Variants in CELF2 observed in about 807,000 individuals in gnomAD.
CELF2 encodes CUG triplet repeat RNA-binding protein 2.
A neutral mutation model predicts 62.6 loss-of-function variants in CELF2; 8 were observed. The observed-to-expected ratio is 0.13, with a 90% CI of 0.07 to 0.23. CELF2 has a LOEUF of 0.23. CELF2 is among the 10% of genes least tolerant of loss of function. The pLI is 1.00. For synonymous variants in CELF2, 258 were observed against 250.0 expected (o/e 1.03, Z -0.30); for missense variants, 333 against 671.0 (o/e 0.50, Z 5.56).
At chr10:10,523,782 G>A in the CELF2 span, among the ~76,000 whole-genome samples, 1,513 of 152,298 alleles carry the variant, frequency 9.9e-3, 21 homozygotes, top group African/African-American at 0.035. Flanking sequence ...AATGTCAGTG[G>A]TTGGGTTGTG....
chr10:11,056,163 C>G (rs1564546475), intron 1 of CELF2, among the ~76,000 whole-genome samples: 2 of 152,154 alleles, frequency 1.3e-5, no homozygotes. Flanking sequence ...ATATGGGACC[C>G]TATATTCCAC....
At position 11,197,021 on chromosome 10, in the gene CELF2, A is replaced by AAGGAAGGAAGGAAGGAAGG. The variant is rs1565230337; in HGVS notation, c.272-20403_272-20402insGGAAGGAAGGAAGGAAGGA. On this transcript the variant is annotated intron_variant, in intron 2 of 12. Coordinates refer to ENST00000633077, the MANE Select transcript of CELF2 (RefSeq NM_001326342.2). ...AGGAAGGAGAAAGAAAGAAAGAAAG[A>AAGGAAGGAAGGAAGGAAGG]AAGAAAAGAAAGAAAGAAAGAAAGA... Among the ~76,000 whole-genome samples the AAGGAAGGAAGGAAGGAAGG allele has an allele frequency of 3.3e-4, 3 of 9,138 alleles. 1 individual carries two copies. The highest frequency in any genetic ancestry group is 8.2e-4 in the Non-Finnish European group (3 of 3,674). The allele number at this position is 9,138 out of a possible 152,430, so 6.0% of individuals were successfully genotyped here. A position where few individuals can be genotyped will look rare whatever the true frequency, so the allele number is the denominator to read the frequency against.
At position 11,330,743 on chromosome 10, in the gene CELF2, C is replaced by CTTAT. The variant is rs1209449803; in HGVS notation, c.*1693_*1696dup. 6.6e-6 allele frequency: 1 copy of CTTAT among 152,468 alleles called. No homozygotes were observed. Among genetic ancestry groups the CTTAT allele is most frequent in the Non-Finnish European group, 1.5e-5 (1 of 67,980 alleles). 9.4% of individuals were successfully genotyped at this position (152,468 alleles called of 1,614,324 possible). On this transcript the variant is annotated 3_prime_UTR_variant, in exon 13 of 13. Coordinates refer to ENST00000633077, the MANE Select transcript of CELF2 (RefSeq NM_001326342.2). The surrounding 1 kb of genome is among the most constrained non-coding windows in gnomAD (Gnocchi z 4.5). ...AAACCTGTGGCAAAAACGTTTCTTT[C>CTTAT]TTATTTTTTTTCTTTTCCTAAAACA...
chr10:10,866,898 T>A (rs548876376), intron 1 of CELF2, among the ~76,000 whole-genome samples: 1 of 134,830 alleles, frequency 7.4e-6, no homozygotes, highest in African/African-American at 2.9e-5. Context: ...CCAGCCTGGG[T>A]GACAAGAGTG....
chr10:10,714,584 A>G, the CELF2 span, among the ~76,000 whole-genome samples: 1 of 152,216 alleles, frequency 6.6e-6, no homozygotes, highest in Non-Finnish European at 1.5e-5. Flanking sequence ...CTGCAGGCTG[A>G]CACAATAAAA....
chr10:11,180,750 C>T (rs546437291), intron 2 of CELF2, among the ~76,000 whole-genome samples: 1 of 152,314 alleles, frequency 6.6e-6, no homozygotes, highest in African/African-American at 2.4e-5. Flanking sequence ...AATGTGTCCT[C>T]ACAATAATCC....
intron 5 of CELF2, among the ~76,000 whole-genome samples, chr10:11,263,916 G>A (rs2081435417): frequency 6.6e-6 from 1 of 152,202 alleles, no homozygotes; most frequent in African/African-American, 2.4e-5. Context: ...CATCCCGAGT[G>A]ACACAGAGAG....
At chr10:10,812,744 A>C (rs2056051552) in intron 1 of CELF2, among the ~76,000 whole-genome samples, 1 of 152,170 alleles carries the variant, frequency 6.6e-6, no homozygotes, top group Non-Finnish European at 1.5e-5. Context: ...TCTAAACCTC[A>C]GATCTGCAAA....
chr10:11,057,383 T>C (rs371227135), intron 1 of CELF2, among the ~76,000 whole-genome samples: 12 of 152,162 alleles, frequency 7.9e-5, no homozygotes, highest in East Asian at 3.9e-4. Context: ...AAGAATGCCT[T>C]GAAATACAGC....
At chr10:11,166,245 A>G (rs902067747) in intron 2 of CELF2, among the ~76,000 whole-genome samples, 1 of 152,120 alleles carries the variant, frequency 6.6e-6, no homozygotes. Context: ...TGCCTTTTGG[A>G]GCTGGGAGCA....
the CELF2 span, among the ~76,000 whole-genome samples, chr10:10,680,008 C>T: frequency 2.2e-4 from 34 of 152,042 alleles, 1 homozygote; most frequent in Middle Eastern, 0.014. Flanking sequence ...TGTATATTTA[C>T]GGGTTAAAGA....
At chr10:10,801,280 T>G (rs1239346016) in intron 1 of CELF2, among the ~76,000 whole-genome samples, 1 of 152,222 alleles carries the variant, frequency 6.6e-6, no homozygotes, top group Non-Finnish European at 1.5e-5. Flanking sequence ...CACTGGCTTT[T>G]TAACTGTGTG....
the CELF2 span, among the ~76,000 whole-genome samples, chr10:10,596,939 A>G: frequency 9.1e-3 from 1,385 of 152,160 alleles, 75 homozygotes; most frequent in Admixed American, 0.074. Context: ...TTCCTCCTCC[A>G]CCCAGAAAGC....
rs1318846155 is a variant in CELF2 at position 11,178,227 on chromosome 10, C to T, written c.271+12545C>T. 1.3e-5 allele frequency among the ~76,000 whole-genome samples: 2 copies of T among 152,216 alleles called. No homozygotes were observed. The highest frequency in any genetic ancestry group is 2.9e-5 in the Non-Finnish European group (2 of 68,036). Reference sequence around the variant, plus strand: ...CAACCGGGCTGCTGAGTGTGATGCTCCCTTTGTGAAGTGGACATCTGTCTA... The same window carrying T: ...CAACCGGGCTGCTGAGTGTGATGCTTCCTTTGTGAAGTGGACATCTGTCTA... On this transcript the variant is annotated intron_variant, in intron 2 of 12. Coordinates refer to ENST00000633077, the MANE Select transcript of CELF2 (RefSeq NM_001326342.2). The surrounding 1 kb of genome is among the most constrained non-coding windows in gnomAD (Gnocchi z 4.3).
upstream of CELF2, among the ~76,000 whole-genome samples, chr10:11,004,422 C>CGCGTGTGT (rs112867733): frequency 1.3e-5 from 2 of 148,492 alleles, no homozygotes; most frequent in African/African-American, 5.0e-5. This position sits in a 1 kb window ranked among gnomAD's most constrained non-coding sequence, Gnocchi z 5.0. Flanking sequence ...TGTGCGCGCG[C>CGCGTGTGT]GTGTGTGTGT....
the CELF2 span, among the ~76,000 whole-genome samples, chr10:10,547,692 A>AGAGAGAGAGTGT: frequency 1.5e-3 from 214 of 138,098 alleles, no homozygotes; most frequent in African/African-American, 4.4e-3. Context: ...AGAGAGAGAG[A>AGAGAGAGAGTGT]GTGTGTGTGT....
chr10:10,623,015 G>A, the CELF2 span, among the ~76,000 whole-genome samples: 4 of 147,114 alleles, frequency 2.7e-5, no homozygotes, highest in African/African-American at 1.0e-4. Flanking sequence ...GAACCCGGGA[G>A]GCGGAGCTTG....
At chr10:10,472,314 T>C in the CELF2 span, among the ~76,000 whole-genome samples, 8 of 151,868 alleles carry the variant, frequency 5.3e-5, no homozygotes, top group African/African-American at 1.7e-4. Context: ...GGGTAATTTG[T>C]ATTGATTTAT....
At chr10:11,210,788 T>G (rs529901412) in intron 2 of CELF2, among the ~76,000 whole-genome samples, 1 of 152,296 alleles carries the variant, frequency 6.6e-6, no homozygotes, top group Admixed American at 6.5e-5. Flanking sequence ...GTTCCTGCCC[T>G]GCAGCTGACG....
Sources: allele counts gnomAD v4.1 joint callset (sites outside exome capture counted in the v4.1 genomes callset), GRCh38; gene constraint gnomAD v4.1.1; non-coding constraint Gnocchi (gnomAD v3.1); transcripts MANE v1.5; gene names NCBI Gene and HGNC (gene_info 2026-07-23, HGNC 2026-07-21).